Variants in APP observed in about 807,000 individuals in gnomAD.
APP encodes the protein amyloid beta precursor protein.
A neutral mutation model predicts 101.4 loss-of-function variants in APP; 31 were observed. The observed-to-expected ratio is 0.31, with a 90% CI of 0.23 to 0.41. The LOEUF (loss-of-function observed/expected upper bound fraction) is 0.41. Among genes scored for constraint, APP ranks in the 10% least tolerant of loss-of-function variants. APP has a pLI of 1.00. For synonymous variants in APP, 366 were observed against 364.4 expected (o/e 1.00, Z -0.05); for missense variants, 839 against 1,003.7 (o/e 0.84, Z 2.22).
At chr21:25,968,703 T>A (rs139061193) in intron 11 of APP, among the ~76,000 whole-genome samples, 47 of 152,228 alleles carry the variant, frequency 3.1e-4, no homozygotes, top group African/African-American at 9.9e-4. Context: ...GTTTAAAAAC[T>A]GAGTAAAAGT....
chr21:25,982,978 G>C (rs926093038), intron 8 of APP, among the ~76,000 whole-genome samples: 1 of 121,396 alleles, frequency 8.2e-6, no homozygotes, highest in Non-Finnish European at 1.7e-5. Flanking sequence ...GAATTACGAA[G>C]ACAACCTTCA....
chr21:25,990,255 C>G (rs2042807425), intron 8 of APP, among the ~76,000 whole-genome samples: 1 of 152,156 alleles, frequency 6.6e-6, no homozygotes, highest in African/African-American at 2.4e-5. Flanking sequence ...TTACTCTAGT[C>G]AAGCTACATT....
At chr21:25,946,271 G>A (rs1391168210) in intron 13 of APP, among the ~76,000 whole-genome samples, 3 of 152,140 alleles carry the variant, frequency 2.0e-5, no homozygotes, top group Non-Finnish European at 2.9e-5. Context: ...TCCTATTAAG[G>A]AAGTGAAAAT....
intron 7 of APP, 138 bp from the exon 8 acceptor site, chr21:25,997,554 C>A (rs2043105856): frequency 5.5e-6 from 4 of 723,878 alleles, no homozygotes; most frequent in Middle Eastern, 3.6e-4. Flanking sequence ...TCCAACAAAA[C>A]CAAAATGAAC....
intron 17 of APP, among the ~76,000 whole-genome samples, chr21:25,887,107 A>G (rs951424544): frequency 6.6e-6 from 1 of 152,136 alleles, no homozygotes; most frequent in Non-Finnish European, 1.5e-5. Flanking sequence ...TCCTATAATA[A>G]AGAGAAGCTG....
rs376913217 is a variant in APP, at chr21:25,943,312, C to T, written c.1687+11278G>A. ...CTGGGATTACAGGCATGCACCACCA[C>T]GCCTGGATAATTTTGTATTTTTAGT... On this transcript the variant is annotated intron_variant, in intron 13 of 17. Transcript: ENST00000346798. Among the ~76,000 whole-genome samples, 1,432 of 151,906 alleles carry T rather than the reference C, an allele frequency of 9.4e-3. 18 individuals carry two copies. Among genetic ancestry groups the T allele is most frequent in the African/African-American group, 0.033 (1,354 of 41,432 alleles).
intron 3 of APP, among the ~76,000 whole-genome samples, chr21:26,057,512 G>C (rs2046092174): frequency 6.6e-6 from 1 of 151,500 alleles, no homozygotes; most frequent in South Asian, 2.1e-4. Flanking sequence ...CAACTGAAAG[G>C]GTGTTTTCAA....
intron 3 of APP, among the ~76,000 whole-genome samples, chr21:26,089,029 A>T (rs2061763292): frequency 6.6e-6 from 1 of 152,212 alleles, no homozygotes; most frequent in Admixed American, 6.5e-5. Context: ...TTACTTTGTA[A>T]GTTTGCTGTT....
At chr21:26,126,211 C>T (rs1295269903) in intron 1 of APP, among the ~76,000 whole-genome samples, 3 of 152,188 alleles carry the variant, frequency 2.0e-5, no homozygotes, top group Non-Finnish European at 4.4e-5. Flanking sequence ...TAGATTCTGG[C>T]TTCTGACTTT....
intron 3 of APP, among the ~76,000 whole-genome samples, chr21:26,063,669 G>T (rs1419021636): frequency 6.6e-6 from 1 of 152,194 alleles, no homozygotes; most frequent in Non-Finnish European, 1.5e-5. Context: ...ATATCCATGA[G>T]TCTAAATGAC....
intron 3 of APP, among the ~76,000 whole-genome samples, chr21:26,065,539 T>C (rs1490412848): frequency 6.6e-6 from 1 of 152,184 alleles, no homozygotes. Context: ...AACCTTGTCT[T>C]AGGAATGTAA....
rs374025736 is a variant in APP at position 26,167,514 on chromosome 21, T to C, written c.57+3050A>G. Among the ~76,000 whole-genome samples the C allele has an allele frequency of 5.6e-4, 85 of 152,342 alleles. 2 individuals are homozygous for C. Among genetic ancestry groups the C allele is most frequent in the African/African-American group, 1.9e-3 (80 of 41,576 alleles). Reference sequence around the variant, plus strand: ...TAGTGGCCACGTGAAATGCAAGTAATAGCTATGCTTATTTCCAGAATGACT... The same window carrying C: ...TAGTGGCCACGTGAAATGCAAGTAACAGCTATGCTTATTTCCAGAATGACT... On this transcript the variant is annotated intron_variant, in intron 1 of 17. Transcript: ENST00000346798.
chr21:26,010,439 T>C (rs996836454), intron 6 of APP, among the ~76,000 whole-genome samples: 9 of 152,202 alleles, frequency 5.9e-5, no homozygotes, highest in Admixed American at 2.0e-4. Context: ...TTTATTTTAC[T>C]TTTTCTTATA....
At chr21:25,989,504 C>T (rs2146631545) in intron 8 of APP, among the ~76,000 whole-genome samples, 1 of 152,234 alleles carries the variant, frequency 6.6e-6, no homozygotes, top group East Asian at 1.9e-4. Context: ...AGAAATGACC[C>T]ACCTTCAAAC....
chr21:26,162,500 G>C (rs904652944), intron 1 of APP, among the ~76,000 whole-genome samples: 1 of 151,962 alleles, frequency 6.6e-6, no homozygotes, highest in African/African-American at 2.4e-5. Flanking sequence ...GAAATAACGA[G>C]CACACAGACA....
chr21:26,022,763 C>T (rs753564452), intron 5 of APP, among the ~76,000 whole-genome samples: 15 of 152,174 alleles, frequency 9.9e-5, no homozygotes, highest in Non-Finnish European at 2.2e-4. Context: ...ACGCATTGCA[C>T]GGTAGCGGAT....
At position 26,051,972 on chromosome 21, in the gene APP, A is replaced by T. The variant is rs1460125201; in HGVS notation, c.469-779T>A. On this transcript the variant is annotated intron_variant, in intron 4 of 17. Coordinates refer to ENST00000346798, the MANE Select transcript of APP (RefSeq NM_000484.4). Reference sequence around the variant, plus strand: ...CACAGAAGGAATAAAAAATGAGGTTATCAAATAGGTAGCTGGACTTCAAAT... The same window carrying T: ...CACAGAAGGAATAAAAAATGAGGTTTTCAAATAGGTAGCTGGACTTCAAAT... Among the ~76,000 whole-genome samples, 9 of 152,370 alleles carry T rather than the reference A, an allele frequency of 5.9e-5. No homozygotes were observed. The East Asian group carries it at 9.6e-4, about 16-fold the overall frequency.
intron 3 of APP, among the ~76,000 whole-genome samples, chr21:26,085,982 A>G (rs1159732058): frequency 6.6e-6 from 1 of 152,224 alleles, no homozygotes; most frequent in Non-Finnish European, 1.5e-5. Context: ...GGATTAAGCT[A>G]TTAACCTGAC....
intron 6 of APP, chr21:26,009,951 T>TA: frequency 6.1e-6 from 1 of 162,774 alleles, no homozygotes. Context: ...CTGTTCCGGT[T>TA]TAAAAAAAAA....
Sources: gnomAD v4.1 joint callset for allele counts (sites outside exome capture counted in the v4.1 genomes callset) on GRCh38, gnomAD v4.1.1 for gene constraint, MANE v1.5 for transcripts, NCBI Gene and HGNC (gene_info 2026-07-23, HGNC 2026-07-21) for gene names.